The following SKP2 variants were observed in gnomAD, a reference collection of about 807,000 sequenced individuals.
SKP2 encodes S-phase kinase associated protein 2, also known as S-phase kinase-associated protein 2.
Under a neutral mutation model 51.8 loss-of-function variants are expected in SKP2, and 16 were observed. The ratio of observed to expected loss-of-function variants is 0.31; its 90% CI spans 0.21 to 0.47. The LOEUF (loss-of-function observed/expected upper bound fraction) is 0.47. Ranked by LOEUF, SKP2 falls within the 20% of genes least tolerant of loss-of-function variation. The pLI is 1.00. For missense variants in SKP2, 377 were observed against 505.3 expected (o/e 0.75, Z 2.43); for synonymous variants, 176 against 198.6 (o/e 0.89, Z 0.96).
At chr5:36,169,566 T>C (rs760838817) in intron 5 of SKP2, among the ~76,000 whole-genome samples, 3 of 152,210 alleles carry the variant, frequency 2.0e-5, no homozygotes, top group Non-Finnish European at 2.9e-5. Flanking sequence ...CCATCGAGGA[T>C]AGAAGAAGCT....
chr5:36,169,221 G>A (rs1034875503), intron 5 of SKP2, among the ~76,000 whole-genome samples: 1 of 152,156 alleles, frequency 6.6e-6, no homozygotes, highest in African/African-American at 2.4e-5. Context: ...AAGGTGGGCA[G>A]ATCACCTGAG....
intron 4 of SKP2, among the ~76,000 whole-genome samples, chr5:36,168,097 T>G (rs532671193): frequency 1.3e-5 from 2 of 152,190 alleles, no homozygotes; most frequent in Middle Eastern, 3.2e-3. Context: ...CAGCAACATC[T>G]GTACTTGGCA....
intron 9 of SKP2, among the ~76,000 whole-genome samples, chr5:36,177,826 T>C (rs1166402239): frequency 2.6e-5 from 4 of 152,110 alleles, no homozygotes; most frequent in African/African-American, 9.7e-5. Flanking sequence ...TGTTAAGGTC[T>C]AAAAAGTGAA....
downstream of SKP2, among the ~76,000 whole-genome samples, chr5:36,186,686 A>G (rs146433567): frequency 0.92 from 140,314 of 151,902 alleles, 65,312 homozygotes; most frequent in Non-Finnish European, 0.98. Flanking sequence ...GTATTCATCA[A>G]GGATATTGGT....
At chr5:36,173,088 C>A (rs114102514) in intron 7 of SKP2, among the ~76,000 whole-genome samples, 2 of 150,936 alleles carry the variant, frequency 1.3e-5, no homozygotes, top group Non-Finnish European at 1.5e-5. Context: ...TTAAATACTT[C>A]GTAATATGCT....
chr5:36,175,258 G>A (rs1045066206), intron 7 of SKP2, among the ~76,000 whole-genome samples: 12 of 152,112 alleles, frequency 7.9e-5, no homozygotes, highest in African/African-American at 2.4e-5. Flanking sequence ...CACTGGATTC[G>A]TGAAATTATC....
chr5:36,168,261 G>A, intron 4 of SKP2, 52 bp from the exon 5 acceptor site: 1 of 1,581,462 alleles, frequency 6.3e-7, no homozygotes, highest in East Asian at 2.2e-5. Context: ...TTTGAAATTG[G>A]ATGTACCCGT....
intron 9 of SKP2, chr5:36,180,180 C>A: frequency 3.7e-6 from 3 of 803,454 alleles, no homozygotes; most frequent in Non-Finnish European, 5.8e-6. Context: ...TGCAGAATGG[C>A]TCACAATTTG....
At chr5:36,157,446 G>GT (rs541512455) in intron 2 of SKP2, among the ~76,000 whole-genome samples, 435 of 152,154 alleles carry the variant, frequency 2.9e-3, no homozygotes, top group Non-Finnish European at 4.0e-3. Flanking sequence ...GCTGTGTTTT[G>GT]TTTTTTTCAG....
At chr5:36,181,666 T>G in intron 9 of SKP2, 152 bp from the exon 10 acceptor site, 1 of 748,380 alleles carries the variant, frequency 1.3e-6, no homozygotes, top group Non-Finnish European at 2.2e-6. Context: ...CTTTCCAGTT[T>G]AATTTGCTAT....
At chr5:36,181,766 A>T in intron 9 of SKP2, 52 bp from the exon 10 acceptor site, 1 of 1,599,020 alleles carries the variant, frequency 6.3e-7, no homozygotes, top group Non-Finnish European at 8.5e-7. Flanking sequence ...AACTCTAGTC[A>T]AACAGTTTCC....
Position 36,183,676 on chromosome 5 carries a change from T to C in SKP2, c.*1645T>C, listed in dbSNP as rs1221777904. On this transcript the variant is annotated 3_prime_UTR_variant, in exon 10 of 10. Coordinates refer to ENST00000274255, the MANE Select transcript of SKP2 (RefSeq NM_005983.4). ...ACACCAGTCATTTATATTAACTTTTTTTTTTTAAATCAAAAATTGTTAATG... is the reference window on the plus strand; with the variant it reads ...ACACCAGTCATTTATATTAACTTTTCTTTTTTAAATCAAAAATTGTTAATG... The C allele has an allele frequency of 1.6e-6, 2 of 1,247,442 alleles. No homozygotes were observed. The highest frequency in any genetic ancestry group is 6.4e-5 in the East Asian group (2 of 31,298). 77.3% of individuals were successfully genotyped at this position (1,247,442 alleles called of 1,614,324 possible). A position where few individuals can be genotyped will look rare whatever the true frequency, so the allele number is the denominator to read the frequency against.
At position 36,183,702 on chromosome 5, in the gene SKP2, T is replaced by A; in HGVS notation, c.*1671T>A. The A allele has an allele frequency of 7.8e-7, 1 of 1,289,712 alleles. No individual in the cohort carries two copies. 79.9% of individuals were successfully genotyped at this position (1,289,712 alleles called of 1,614,324 possible). A position where few individuals can be genotyped will look rare whatever the true frequency, so the allele number is the denominator to read the frequency against. ...TTTTTTAAATCAAAAATTGTTAATG[T>A]TAGAAACATACTATGAAGTGCCTTT... On this transcript the variant is annotated 3_prime_UTR_variant, in exon 10 of 10. Transcript: ENST00000274255.
intron 2 of SKP2, among the ~76,000 whole-genome samples, chr5:36,160,853 A>G (rs1321864193): frequency 1.3e-5 from 2 of 152,168 alleles, no homozygotes; most frequent in East Asian, 3.9e-4. Flanking sequence ...CACAACCTCC[A>G]GCTGCCTCCC....
Position 36,163,636 on chromosome 5 carries a change from C to G in SKP2, c.281-9C>G. On this transcript the variant is annotated splice_polypyrimidine_tract_variant and intron_variant, in intron 2 of 9. Coordinates refer to ENST00000274255, the MANE Select transcript of SKP2 (RefSeq NM_005983.4). ...ATGGTGATGGCAAACACTTGTTTTC[C>G]CTCCAAAGGTGTTTCATGGGACTCC... is the stretch of plus-strand genomic sequence containing the variant. The G allele has an allele frequency of 2.5e-6, 4 of 1,570,834 alleles. No individual in the cohort carries two copies. Among genetic ancestry groups the G allele is most frequent in the African/African-American group, 1.3e-5 (1 of 74,136 alleles).
At chr5:36,180,912 G>T (rs1016004267) in intron 9 of SKP2, among the ~76,000 whole-genome samples, 1 of 152,108 alleles carries the variant, frequency 6.6e-6, no homozygotes, top group African/African-American at 2.4e-5. Flanking sequence ...CTGAGACTTT[G>T]TACTGTATGT....
chr5:36,184,465 G>C (rs993290784), downstream of SKP2: 1 of 152,062 alleles, frequency 6.6e-6, no homozygotes, highest in Non-Finnish European at 1.5e-5. Context: ...CCTGTGTCCA[G>C]GTGTTCTCGT....
intron 7 of SKP2, among the ~76,000 whole-genome samples, chr5:36,173,287 T>C (rs777294568): frequency 3.0e-4 from 46 of 152,178 alleles, no homozygotes; most frequent in Non-Finnish European, 6.0e-4. Context: ...CAGAGACAAA[T>C]CTTTAGATGC....
In SKP2 at chr5:36,166,651, T is replaced by C; in HGVS notation, c.525T>C (p.Ala175=). Residue 175 remains alanine, a synonymous_variant, in exon 4 of 10, where the codon GCT becomes GCC. Coordinates refer to ENST00000274255, the MANE Select transcript of SKP2 (RefSeq NM_005983.4). The part of the protein sequence containing the change: ...CPRSFMDQPL[A]EHFSPFRVQH... Reference sequence around the variant, plus strand: ...GATCATTTATGGACCAACCATTGGCTGAACATTTCAGGTAAAGATGAAAAA... The same window carrying C: ...GATCATTTATGGACCAACCATTGGCCGAACATTTCAGGTAAAGATGAAAAA... 1.2e-6 allele frequency: 2 copies of C among 1,613,774 alleles called. No homozygotes were observed. The highest frequency in any genetic ancestry group is 1.7e-6 in the Non-Finnish European group (2 of 1,179,766).
Sources: gnomAD v4.1 joint callset for allele counts (sites outside exome capture counted in the v4.1 genomes callset) on GRCh38, gnomAD v4.1.1 for gene constraint, MANE v1.5 for transcripts, NCBI Gene and HGNC (gene_info 2026-07-23, HGNC 2026-07-21) for gene names.